PLPPR4: variants seen among roughly 807,000 people sequenced by gnomAD.
The protein encoded by PLPPR4 is phospholipid phosphatase related 4.
A neutral mutation model predicts 56.6 loss-of-function variants in PLPPR4; 24 were observed. The ratio of observed to expected loss-of-function variants is 0.42; its 90% confidence interval spans 0.31 to 0.60. The LOEUF is 0.60. PLPPR4 is among the 20% of genes least tolerant of loss of function. The pLI is 0.13. For missense variants in PLPPR4, 654 were observed against 885.8 expected (o/e 0.74, Z 3.32); for synonymous variants, 326 against 328.1 (o/e 0.99, Z 0.07).
intron 1 of PLPPR4, among the ~76,000 whole-genome samples, chr1:99,282,980 G>T (rs11166214): frequency 0.037 from 5,497 of 147,020 alleles, 340 homozygotes; most frequent in African/African-American, 0.13. Flanking sequence ...GCAATATATA[G>T]TTAATATATA....
intron 1 of PLPPR4, among the ~76,000 whole-genome samples, chr1:99,273,277 C>G (rs781777441): frequency 3.3e-5 from 5 of 151,900 alleles, no homozygotes; most frequent in African/African-American, 7.3e-5. Context: ...ATGGTTTCTG[C>G]CTGTGTAAAA....
chr1:99,264,976 C>A (rs559822587), intron 1 of PLPPR4, among the ~76,000 whole-genome samples: 3 of 152,168 alleles, frequency 2.0e-5, no homozygotes, highest in Admixed American at 6.5e-5. Context: ...GTGTGCACAA[C>A]GTCCGCTAGT....
intron 2 of PLPPR4, among the ~76,000 whole-genome samples, chr1:99,292,790 T>G (rs1411698916): frequency 1.3e-5 from 2 of 152,168 alleles, no homozygotes; most frequent in African/African-American, 4.8e-5. Context: ...CATTTTTTTT[T>G]CTTGGTTTTG....
intron 2 of PLPPR4, among the ~76,000 whole-genome samples, chr1:99,294,098 CAAA>C (rs397714686): frequency 6.8e-6 from 1 of 146,132 alleles, no homozygotes; most frequent in African/African-American, 2.5e-5. Flanking sequence ...CTGTGCCATT[CAAA>C]AAAAAAAAAG....
intron 3 of PLPPR4, chr1:99,298,773 C>A (rs776303866): frequency 1.7e-6 from 1 of 605,220 alleles, no homozygotes; most frequent in Non-Finnish European, 2.9e-6. Context: ...AAGTGACTTA[C>A]AGTTAATGTT....
At chr1:99,272,818 T>C (rs750271537) in intron 1 of PLPPR4, among the ~76,000 whole-genome samples, 2 of 152,150 alleles carry the variant, frequency 1.3e-5, no homozygotes, top group African/African-American at 2.4e-5. Flanking sequence ...ATGTAAATTT[T>C]TCATACATTA....
chr1:99,286,552 AG>A (rs1266337794), intron 1 of PLPPR4, among the ~76,000 whole-genome samples: 2 of 152,314 alleles, frequency 1.3e-5, no homozygotes, highest in South Asian at 2.1e-4. Flanking sequence ...AAGATGATAA[AG>A]TAGAGAGTGA....
intron 3 of PLPPR4, 59 bp from the exon 4 acceptor site, chr1:99,298,976 T>C (rs1390553509): frequency 9.0e-7 from 1 of 1,110,234 alleles, no homozygotes. Flanking sequence ...GTTTAATGAA[T>C]ATGTTTGATG....
chr1:99,264,617 G>A lies in PLPPR4; in HGVS notation c.24G>A (p.Lys8=), dbSNP rs145158493. MSAKERP[K]GKVIKDSVTL... ...GGATGTCGGCGAAGGAGAGGCCAAA[G>A]GGCAAAGTGATCAAGGACAGCGTCA... Residue 8 remains lysine, a synonymous_variant, in exon 1 of 7, where the codon AAG becomes AAA. Coordinates refer to ENST00000370185, the MANE Select transcript of PLPPR4 (RefSeq NM_014839.5). 1.1e-4 allele frequency: 170 copies of A among 1,550,762 alleles called. No individual in the cohort carries two copies. In the African/African-American group the frequency reaches 2.0e-3, roughly 18 times the overall value.
At position 99,306,939 on chromosome 1, in the gene PLPPR4, A is replaced by C; in HGVS notation, c.2077A>C (p.Ser693Arg). 1 of 1,613,892 alleles carries C rather than the reference A, an allele frequency of 6.2e-7. No individual in the cohort carries two copies. The highest frequency in any genetic ancestry group is 8.5e-7 in the Non-Finnish European group (1 of 1,180,020). Reference sequence around the variant, plus strand: ...CAATATCATTCTAATCCCTGAAAGAAGCAACAGCCCCGAAAACACTAGAAA... The same window carrying C: ...CAATATCATTCTAATCCCTGAAAGACGCAACAGCCCCGAAAACACTAGAAA... ...KGNIILIPER[S>R]NSPENTRNIF... Residue 693 changes from serine (S) to arginine (R), a missense_variant, in exon 7 of 7, where the codon AGC (serine) becomes CGC (arginine). Transcript: ENST00000370185. The surrounding 1 kb of genome is among the most constrained non-coding windows in gnomAD (Gnocchi z 4.0).
chr1:99,275,273 T>C (rs1659155950), intron 1 of PLPPR4, among the ~76,000 whole-genome samples: 1 of 152,166 alleles, frequency 6.6e-6, no homozygotes, highest in Non-Finnish European at 1.5e-5. Flanking sequence ...TAAGACCTCA[T>C]TTGGTTTCTA....
intron 2 of PLPPR4, among the ~76,000 whole-genome samples, chr1:99,295,714 C>A (rs533597377): frequency 6.6e-6 from 1 of 152,148 alleles, no homozygotes; most frequent in African/African-American, 2.4e-5. Context: ...GACAACCCAA[C>A]GGCCTAAGGT....
chr1:99,278,834 T>C (rs991831036), intron 1 of PLPPR4, among the ~76,000 whole-genome samples: 2 of 150,046 alleles, frequency 1.3e-5, no homozygotes, highest in Admixed American at 1.3e-4. Flanking sequence ...TATAAAAACA[T>C]AGAACAGATT....
At chr1:99,279,626 T>C (rs758375741) in intron 1 of PLPPR4, among the ~76,000 whole-genome samples, 11 of 152,134 alleles carry the variant, frequency 7.2e-5, no homozygotes, top group Admixed American at 1.3e-4. Flanking sequence ...GGCAATCTCA[T>C]TGAAGCCTGG....
At chr1:99,264,986 T>C (rs1365807098) in intron 1 of PLPPR4, among the ~76,000 whole-genome samples, 3 of 152,216 alleles carry the variant, frequency 2.0e-5, no homozygotes, top group African/African-American at 7.2e-5. Flanking sequence ...CGTCCGCTAG[T>C]GCCCCAGAGG....
At chr1:99,290,360 A>G (rs1659585302) in intron 2 of PLPPR4, among the ~76,000 whole-genome samples, 2 of 152,206 alleles carry the variant, frequency 1.3e-5, no homozygotes, top group African/African-American at 4.8e-5. Flanking sequence ...GAAAATGGCC[A>G]TACCATCCAA....
chr1:99,300,809 G>C (rs1659867713), intron 4 of PLPPR4, 100 bp from the exon 5 acceptor site: 6 of 869,028 alleles, frequency 6.9e-6, no homozygotes, highest in Non-Finnish European at 1.2e-5. Flanking sequence ...ATTGCCTTGT[G>C]ACTTTTAAGT....
At chr1:99,263,153 A>G (rs1658803687), upstream of PLPPR4, among the ~76,000 whole-genome samples, 1 of 152,104 alleles carries the variant, frequency 6.6e-6, no homozygotes, top group Non-Finnish European at 1.5e-5. Flanking sequence ...CAACTCCAGG[A>G]CCTACTTGGA....
intron 1 of PLPPR4, among the ~76,000 whole-genome samples, chr1:99,275,644 G>A (rs1331814547): frequency 2.0e-5 from 3 of 152,278 alleles, no homozygotes; most frequent in Admixed American, 6.5e-5. Context: ...TGACCTTAAA[G>A]GCTAGTGGTT....
Sources: allele counts gnomAD v4.1 joint callset (sites outside exome capture counted in the v4.1 genomes callset), GRCh38; gene constraint gnomAD v4.1.1; non-coding constraint Gnocchi (gnomAD v3.1); transcripts MANE v1.5; gene names NCBI Gene and HGNC (gene_info 2026-07-23, HGNC 2026-07-21).